The following ROBO3 variants were observed in gnomAD, a reference collection of about 807,000 sequenced individuals.
ROBO3 encodes roundabout homolog 3.
ROBO3 carries 97 observed loss-of-function variants against 160.5 expected under a neutral mutation model. That is an observed-to-expected ratio of 0.60 (90% CI 0.51 to 0.72). The LOEUF is 0.72. Among genes scored for constraint, ROBO3 ranks in the 30% least tolerant of loss-of-function variants. ROBO3 has a pLI of 0.00. For missense variants in ROBO3, 1,858 were observed against 1,846.5 expected (o/e 1.01, Z -0.11); for synonymous variants, 780 against 746.2 (o/e 1.05, Z -0.74).
At chr11:124,870,555 G>C (rs948569422) in intron 5 of ROBO3, 46 bp from the exon 6 acceptor site, 1 of 1,612,416 alleles carries the variant, frequency 6.2e-7, no homozygotes, top group Non-Finnish European at 8.5e-7. Context: ...AGAGAGAAAG[G>C]GTCTGTAGCT....
intron 27 of ROBO3, 138 bp downstream of exon 27, chr11:124,880,746 G>C (rs1343761418): frequency 1.8e-3 from 1,712 of 943,174 alleles, no homozygotes; most frequent in Non-Finnish European, 2.4e-3. Context: ...GAGGGGGAGG[G>C]AGGAATCCTG....
chr11:124,876,318 G>T lies in ROBO3; in HGVS notation c.2637G>T (p.Gly879=). ...DLEPGLEVGA[G]LAVRLARVLR... ...AGCCCGGGCTGGAGGTGGGCGCGGG[G>T]CTGGCGGTGCGGCTGGCGAGGGTGC... The change falls in exon 17 of 28, where the codon GGG becomes GGT. Residue 879 remains glycine (G), a synonymous_variant. Coordinates refer to ENST00000397801, the MANE Select transcript of ROBO3 (RefSeq NM_022370.4). The surrounding 1 kb of genome is among the most constrained non-coding windows in gnomAD (Gnocchi z 5.3). 1 of 1,445,882 alleles carries T rather than the reference G, an allele frequency of 6.9e-7. No homozygotes were observed. Among genetic ancestry groups the T allele is most frequent in the Non-Finnish European group, 9.0e-7 (1 of 1,111,502 alleles). 89.6% of individuals were successfully genotyped at this position (1,445,882 alleles called of 1,614,324 possible). A position where few individuals can be genotyped will look rare whatever the true frequency, so the allele number is the denominator to read the frequency against.
chr11:124,868,469 C>A lies in ROBO3; in HGVS notation c.161-333C>A. On this transcript the variant is annotated intron_variant, in intron 1 of 27. Coordinates refer to ENST00000397801, the MANE Select transcript of ROBO3 (RefSeq NM_022370.4). The stretch of plus-strand genomic sequence containing the variant: ...GCAGGAGGCGAGGGAGCGGTCTACT[C>A]GCCAAGCGTGGTTCAGCCACTCCCG... 3 of 591,702 alleles carry A rather than the reference C, an allele frequency of 5.1e-6. No individual in the cohort carries two copies. The South Asian group carries it at 6.1e-5, about 12-fold the overall frequency. The allele number at this position is 591,702 out of a possible 1,614,324, so 36.7% of individuals were successfully genotyped here.
intron 19 of ROBO3, 89 bp downstream of exon 19, chr11:124,877,398 T>C: frequency 6.3e-7 from 1 of 1,579,460 alleles, no homozygotes; most frequent in East Asian, 2.2e-5. Context: ...GGAGGGAGCA[T>C]GGCCACCTCC....
rs758664868 is a variant in ROBO3 at position 124,874,186 on chromosome 11, C to G, written c.1901C>G (p.Ala634Gly). ...CTGTTTCTGGTTCGAGCAGTGGGAG[C>G]CTGGGGCCTCAGTGAGCCCAGCCCC... ...IYLFLVRAVGAWGLSEPSPVS... is the reference protein window; with the variant it reads ...IYLFLVRAVGGWGLSEPSPVS... Residue 634 changes from alanine (A) to glycine (G), a missense_variant, in exon 12 of 28, where the codon GCC (alanine) becomes GGC (glycine). Physicochemically the swap from Ala to Gly is moderately conservative, Grantham distance 60. Coordinates refer to ENST00000397801, the MANE Select transcript of ROBO3 (RefSeq NM_022370.4). 1 of 1,613,966 alleles carries G rather than the reference C, an allele frequency of 6.2e-7. No individual in the cohort carries two copies.
rs1481541482 is a variant in ROBO3, at chr11:124,876,870, G to A, written c.2780-291G>A. On this transcript the variant is annotated intron_variant, in intron 17 of 27. Coordinates refer to ENST00000397801, the MANE Select transcript of ROBO3 (RefSeq NM_022370.4). The surrounding 1 kb of genome is among the most constrained non-coding windows in gnomAD (Gnocchi z 5.3). ...GAAAGGCGGGGCCCGCTGAAAGAAG[G>A]CGATCCGAGTTCTGCTACTTCCTAG... The A allele has an allele frequency of 2.1e-5, 12 of 574,696 alleles. No individual in the cohort carries two copies. Among genetic ancestry groups the A allele is most frequent in the African/African-American group, 3.7e-5 (2 of 53,426 alleles). 35.6% of individuals were successfully genotyped at this position (574,696 alleles called of 1,614,324 possible).
At position 124,869,200 on chromosome 11, in the gene ROBO3, A is replaced by G. The variant is rs1215250590; in HGVS notation, c.487+72A>G. ...AGGCGGGAGGGCACTGGGCAATCAG[A>G]CCCAGAACCAGCCCCAAAGGACTTC... On this transcript the variant is annotated intron_variant, in intron 2 of 27. Transcript: ENST00000397801. This position sits in a 1 kb window ranked among gnomAD's most constrained non-coding sequence, Gnocchi z 4.2. The G allele has an allele frequency of 7.0e-7, 1 of 1,437,058 alleles. No homozygotes were observed. Among genetic ancestry groups the G allele is most frequent in the Non-Finnish European group, 9.4e-7 (1 of 1,064,616 alleles). 89.0% of individuals were successfully genotyped at this position (1,437,058 alleles called of 1,614,324 possible).
rs1465202518 is a variant in ROBO3, at chr11:124,874,769, TG to T, written c.1952-16del. 1.2e-6 allele frequency: 2 copies of T among 1,601,888 alleles called. No homozygotes were observed. The highest frequency in any genetic ancestry group is 1.7e-5 in the Admixed American group (1 of 58,594). ...CCTGTCCCTGGTGGCCTCTGCTGAATGGGTTCCTTGGTCAACAGATAGCAGC... is the reference window on the plus strand; with the variant it reads ...CCTGTCCCTGGTGGCCTCTGCTGAATGGTTCCTTGGTCAACAGATAGCAGC... On this transcript the variant is annotated intron_variant, in intron 12 of 27. Transcript: ENST00000397801.
Position 124,865,875 on chromosome 11 carries a change from G to C in ROBO3, c.160+138G>C. The stretch of plus-strand genomic sequence containing the variant: ...CTCCCAGCGCCTCCCTGGGTCGTGG[G>C]GTCTAAGGGATAATTTGGAGCTTCG... On this transcript the variant is annotated intron_variant, in intron 1 of 27. Transcript: ENST00000397801. This position sits in a 1 kb window ranked among gnomAD's most constrained non-coding sequence, Gnocchi z 5.5. 1.1e-5 allele frequency: 11 copies of C among 1,004,988 alleles called. No individual in the cohort carries two copies. Among genetic ancestry groups the C allele is most frequent in the Non-Finnish European group, 1.4e-5 (10 of 706,242 alleles). The allele number at this position is 1,004,988 out of a possible 1,614,324, so 62.3% of individuals were successfully genotyped here.
rs1391392785 is a variant in ROBO3 at position 124,872,421 on chromosome 11, G to A, written c.1199G>A (p.Arg400His). ...FPSQSLQPTG[R>H]FSVSPRGQLN... is the part of the protein sequence containing the mutation. Reference sequence around the variant, plus strand: ...AGTCAGTCACTTCAGCCGACGGGGCGCTTCTCAGTGTCTCCAAGAGGCCAA... The same window carrying A: ...AGTCAGTCACTTCAGCCGACGGGGCACTTCTCAGTGTCTCCAAGAGGCCAA... Residue 400 changes from arginine (R) to histidine (H), a missense_variant, in exon 8 of 28, where the codon CGC becomes CAC. Arg to His is a conservative substitution (Grantham distance 29). Coordinates refer to ENST00000397801, the MANE Select transcript of ROBO3 (RefSeq NM_022370.4). The surrounding 1 kb of genome is among the most constrained non-coding windows in gnomAD (Gnocchi z 4.3). 4.3e-6 allele frequency: 7 copies of A among 1,613,860 alleles called. No homozygotes were observed. Among genetic ancestry groups the A allele is most frequent in the African/African-American group, 2.7e-5 (2 of 74,910 alleles).
At position 124,879,451 on chromosome 11, in the gene ROBO3, T is replaced by G. The variant is rs1244740137; in HGVS notation, c.3686-14T>G. 3.1e-6 allele frequency: 5 copies of G among 1,612,864 alleles called. No individual in the cohort carries two copies. The highest frequency in any genetic ancestry group is 4.2e-6 in the Non-Finnish European group (5 of 1,179,118). ...GCCCTTACCCATTCCTCTTCCCGTC[T>G]CCTAACACTGCAGGCAGAACCTGGC... On this transcript the variant is annotated splice_polypyrimidine_tract_variant and intron_variant, in intron 24 of 27. Transcript: ENST00000397801.
At position 124,870,009 on chromosome 11, in the gene ROBO3, G is replaced by A; in HGVS notation, c.707G>A (p.Cys236Tyr). 6.2e-7 allele frequency: 1 copy of A among 1,613,988 alleles called. No individual in the cohort carries two copies. Among genetic ancestry groups the A allele is most frequent in the Non-Finnish European group, 8.5e-7 (1 of 1,179,872 alleles). Reference sequence around the variant, plus strand: ...AAGAGCGATGCAGGCATGTATGTGTGCGTAGCCTCCAACATGGCGGGAGAA... The same window carrying A: ...AAGAGCGATGCAGGCATGTATGTGTACGTAGCCTCCAACATGGCGGGAGAA... ...TLKSDAGMYV[C>Y]VASNMAGERE... is the part of the protein sequence containing the mutation. The change falls in exon 4 of 28, where the codon TGC becomes TAC. Residue 236 changes from cysteine (C) to tyrosine (Y), a missense_variant. Transcript: ENST00000397801.
Position 124,869,430 on chromosome 11 carries a change from C to CGGGG in ROBO3, c.488-20_488-19insGGGG. Reference sequence around the variant, plus strand: ...GTCACTCTACACCCTGCTTATTTCGCCCCCCACCGCCCCGCCCAGTCCTCC... The same window carrying CGGGG: ...GTCACTCTACACCCTGCTTATTTCGCGGGGCCCCCACCGCCCCGCCCAGTCCTCC... On this transcript the variant is annotated intron_variant, in intron 2 of 27. Coordinates refer to ENST00000397801, the MANE Select transcript of ROBO3 (RefSeq NM_022370.4). The surrounding 1 kb of genome is among the most constrained non-coding windows in gnomAD (Gnocchi z 4.2). 8.1e-7 allele frequency: 1 copy of CGGGG among 1,229,882 alleles called. No individual in the cohort carries two copies. The highest frequency in any genetic ancestry group is 1.1e-6 in the Non-Finnish European group (1 of 899,136). 76.2% of individuals were successfully genotyped at this position (1,229,882 alleles called of 1,614,324 possible). A position where few individuals can be genotyped will look rare whatever the true frequency, so the allele number is the denominator to read the frequency against.
chr11:124,869,599 A>C lies in ROBO3; in HGVS notation c.637A>C (p.Arg213=), dbSNP rs373366899. ...DGARLKEEEG[R]ITIRGGKLMM... ...TGCAAGACTCAAGGAAGAGGAAGGA[A>C]GGATCACGGTGAGGGCGGGATTATG... is the stretch of plus-strand genomic sequence containing the variant. Residue 213 remains arginine (R), a synonymous_variant, in exon 3 of 28, where the codon AGG becomes CGG. Transcript: ENST00000397801. The surrounding 1 kb of genome is among the most constrained non-coding windows in gnomAD (Gnocchi z 4.2). The C allele has an allele frequency of 2.2e-5, 35 of 1,572,836 alleles. No homozygotes were observed. The highest frequency in any genetic ancestry group is 3.3e-4 in the Middle Eastern group (2 of 6,018).
chr11:124,874,936 A>G, intron 13 of ROBO3, 27 bp downstream of exon 13: 1 of 1,595,410 alleles, frequency 6.3e-7, no homozygotes, highest in South Asian at 1.1e-5. Context: ...GAGGAGATTC[A>G]GGGTGGGGAT....
In ROBO3 at chr11:124,873,255, C is replaced by G; in HGVS notation, c.1537-55C>G. On this transcript the variant is annotated intron_variant, in intron 9 of 27. Coordinates refer to ENST00000397801, the MANE Select transcript of ROBO3 (RefSeq NM_022370.4). This position sits in a 1 kb window ranked among gnomAD's most constrained non-coding sequence, Gnocchi z 4.5. ...ATCCTTCTGCTACCCGCCTCCACCC[C>G]CTCACTGGATCTTGCTCCACTCTCA... 6.6e-7 allele frequency: 1 copy of G among 1,522,614 alleles called. No homozygotes were observed. Among genetic ancestry groups the G allele is most frequent in the Admixed American group, 1.9e-5 (1 of 53,214 alleles). 94.3% of individuals were successfully genotyped at this position (1,522,614 alleles called of 1,614,324 possible).
chr11:124,876,391 C>T lies in ROBO3; in HGVS notation c.2710C>T (p.Leu904=), dbSNP rs1946374050. The part of the protein sequence containing the change: ...LAGSGAACGA[L]LLGLCAALYW... ...GGGCAGCGGCGCAGCCTGCGGGGCG[C>T]TGCTTCTCGGGCTCTGCGCCGCCCT... Residue 904 remains leucine (L), a synonymous_variant, in exon 17 of 28, where the codon CTG becomes TTG. Transcript: ENST00000397801. This position sits in a 1 kb window ranked among gnomAD's most constrained non-coding sequence, Gnocchi z 5.3. 5.5e-6 allele frequency: 8 copies of T among 1,451,380 alleles called. No individual in the cohort carries two copies. Among genetic ancestry groups the T allele is most frequent in the Admixed American group, 2.7e-5 (1 of 37,484 alleles). The allele number at this position is 1,451,380 out of a possible 1,614,324, so 89.9% of individuals were successfully genotyped here.
At chr11:124,880,908 C>G (rs1324060453) in intron 27 of ROBO3, among the ~76,000 whole-genome samples, 1 of 152,040 alleles carries the variant, frequency 6.6e-6, no homozygotes, top group Non-Finnish European at 1.5e-5. Flanking sequence ...ACAAAATTAG[C>G]TGGGCGTGGT....
At chr11:124,879,101 T>C in intron 23 of ROBO3, 89 bp from the exon 24 acceptor site, 6 of 1,401,248 alleles carry the variant, frequency 4.3e-6, no homozygotes, top group Non-Finnish European at 5.8e-6. Context: ...GTTTATCTGT[T>C]AGGTTGATTG....
Sources: gnomAD v4.1 joint callset for allele counts (sites outside exome capture counted in the v4.1 genomes callset) on GRCh38, gnomAD v4.1.1 for gene constraint, Gnocchi (gnomAD v3.1) non-coding constraint, MANE v1.5 for transcripts, NCBI Gene and HGNC (gene_info 2026-07-23, HGNC 2026-07-21) for gene names.